Variants in GALNT17 observed in about 807,000 individuals in gnomAD.
The protein encoded by GALNT17 is UDP-GalNAc:polypeptide N-acetylgalactosaminyltransferase-like 3.
A neutral mutation model predicts 63.7 loss-of-function variants in GALNT17; 29 were observed. The observed-to-expected ratio is 0.46, with a 90% CI of 0.34 to 0.62. The LOEUF is 0.62. GALNT17 is among the 20% of genes least tolerant of loss of function. GALNT17 has a pLI of 0.01. For synonymous variants in GALNT17, 305 were observed against 318.3 expected (o/e 0.96, Z 0.45); for missense variants, 603 against 799.6 (o/e 0.75, Z 2.97).
intron 1 of GALNT17, among the ~76,000 whole-genome samples, chr7:71,314,037 T>C (rs145483762): frequency 6.6e-6 from 1 of 152,320 alleles, no homozygotes; most frequent in East Asian, 1.9e-4. Context: ...GATTATTTAA[T>C]TTGGGTTCAC....
At chr7:71,657,414 G>A (rs1790844521) in intron 6 of GALNT17, among the ~76,000 whole-genome samples, 1 of 152,178 alleles carries the variant, frequency 6.6e-6, no homozygotes, top group African/African-American at 2.4e-5. Flanking sequence ...CATAGCCTGT[G>A]AGCATAGTGA....
intron 1 of GALNT17, among the ~76,000 whole-genome samples, chr7:71,138,149 C>T (rs148448628): frequency 0.015 from 2,240 of 152,182 alleles, 59 homozygotes; most frequent in African/African-American, 0.051. Flanking sequence ...GAATTTTAGA[C>T]CAACCTGGGC....
Position 71,327,157 on chromosome 7 carries a change from A to G in GALNT17, c.239-8393A>G, listed in dbSNP as rs553205939. On this transcript the variant is annotated intron_variant, in intron 1 of 10. Transcript: ENST00000333538. The stretch of plus-strand genomic sequence containing the variant: ...ATGCCATTAAGGAGAGCACCTAAAC[A>G]TGGGACCACAGGAGAAGTCTTCCAG... Among the ~76,000 whole-genome samples the G allele has an allele frequency of 6.0e-4, 91 of 152,342 alleles. No homozygotes were observed. The South Asian group carries it at 9.7e-3, about 16-fold the overall frequency.
intron 5 of GALNT17, among the ~76,000 whole-genome samples, chr7:71,452,315 G>A (rs1215549127): frequency 1.1e-4 from 17 of 151,928 alleles, no homozygotes; most frequent in Admixed American, 1.0e-3. Flanking sequence ...GGAGGCTGAG[G>A]TGGGAGGATC....
chr7:71,518,185 T>C (rs753870159), intron 5 of GALNT17, among the ~76,000 whole-genome samples: 5 of 152,342 alleles, frequency 3.3e-5, no homozygotes, highest in Middle Eastern at 6.8e-3. Context: ...AGCAGGAGCA[T>C]GGCATGATCT....
chr7:71,335,239 C>G (rs951522377), intron 1 of GALNT17, among the ~76,000 whole-genome samples: 1 of 152,122 alleles, frequency 6.6e-6, no homozygotes, highest in Non-Finnish European at 1.5e-5. Flanking sequence ...TCAAGAGATT[C>G]TCCTGCCTCA....
chr7:71,146,620 C>T (rs77009768), intron 1 of GALNT17, among the ~76,000 whole-genome samples: 12,957 of 152,130 alleles, frequency 0.085, 735 homozygotes, highest in African/African-American at 0.15. Flanking sequence ...TCGCCGCCAT[C>T]CTCCCTTCCA....
chr7:71,681,604 T>C (rs908370556), intron 9 of GALNT17, among the ~76,000 whole-genome samples: 1 of 152,204 alleles, frequency 6.6e-6, no homozygotes, highest in African/African-American at 2.4e-5. Flanking sequence ...CTGGGCCCCA[T>C]GGCTGTGCCG....
chr7:71,231,739 GGAGGGAGAGGGAGAGAGAGAGAGAGGGA>G (rs895983843), intron 1 of GALNT17, among the ~76,000 whole-genome samples: 5 of 148,808 alleles, frequency 3.4e-5, no homozygotes, highest in Non-Finnish European at 7.4e-5. Flanking sequence ...AGAGAGAGAG[GGAGGGAGAGGGAGAGAGAGAGAGAGGGA>G]GAGGGAGAGA....
intron 1 of GALNT17, among the ~76,000 whole-genome samples, chr7:71,148,991 G>A (rs1788083076): frequency 6.6e-6 from 1 of 151,376 alleles, no homozygotes; most frequent in Non-Finnish European, 1.5e-5. Flanking sequence ...GAGTGCAGTG[G>A]CACCATCATA....
intron 9 of GALNT17, among the ~76,000 whole-genome samples, chr7:71,684,157 C>T (rs1177185931): frequency 1.3e-5 from 2 of 152,254 alleles, no homozygotes; most frequent in East Asian, 3.9e-4. Context: ...CACCCAGGCC[C>T]AGGGTGGGTC....
intron 6 of GALNT17, among the ~76,000 whole-genome samples, chr7:71,623,819 A>T (rs1438857679): frequency 6.6e-6 from 1 of 152,150 alleles, no homozygotes; most frequent in African/African-American, 2.4e-5. Flanking sequence ...ACATGTGAGC[A>T]TACAGTCTTC....
chr7:71,362,377 A>G lies in GALNT17; in HGVS notation c.423-25858A>G, dbSNP rs1180738924. Among the ~76,000 whole-genome samples, 8 of 152,326 alleles carry G rather than the reference A, an allele frequency of 5.3e-5. No homozygotes were observed. In the East Asian group the frequency reaches 1.5e-3, roughly 29 times the overall value. On this transcript the variant is annotated intron_variant, in intron 2 of 10. Transcript: ENST00000333538. Reference sequence around the variant, plus strand: ...AAGACTACATTTCCCCCAACATATTACACCAAATGTACTTAACAGCAATTA... The same window carrying G: ...AAGACTACATTTCCCCCAACATATTGCACCAAATGTACTTAACAGCAATTA...
intron 1 of GALNT17, among the ~76,000 whole-genome samples, chr7:71,322,856 G>A (rs1032641683): frequency 1.4e-4 from 21 of 152,148 alleles, no homozygotes; most frequent in African/African-American, 4.3e-4. Context: ...CCAAATCTGC[G>A]TTTACCTTAA....
Position 71,323,469 on chromosome 7 carries a change from C to T in GALNT17, c.239-12081C>T, listed in dbSNP as rs1045506305. On this transcript the variant is annotated intron_variant, in intron 1 of 10. Coordinates refer to ENST00000333538, the MANE Select transcript of GALNT17 (RefSeq NM_022479.3). ...TTTTACTCCATTCTCTTCCACCAAG[C>T]AGCAGCTGATACAATTGAACTCTTA... Among the ~76,000 whole-genome samples, 3 of 152,200 alleles carry T rather than the reference C, an allele frequency of 2.0e-5. No homozygotes were observed. In the South Asian group the frequency reaches 6.2e-4, roughly 31 times the overall value.
At chr7:71,138,431 A>G (rs1787827028) in intron 1 of GALNT17, among the ~76,000 whole-genome samples, 1 of 152,126 alleles carries the variant, frequency 6.6e-6, no homozygotes, top group South Asian at 2.1e-4. Flanking sequence ...GTAGGTGAGG[A>G]GGAGGAGGAA....
rs1792989018 is a variant in GALNT17, at chr7:71,388,398, G to A, written c.586G>A (p.Glu196Lys). The change falls in exon 3 of 11, where the codon GAA becomes AAA. Residue 196 changes from glutamate to lysine, a missense_variant. By Grantham distance (56) the Glu-to-Lys change is moderately conservative. Around this residue, in one of 3 missense-constraint regions of GALNT17, gnomAD observed 336 missense variants for 507.8 expected, o/e 0.66. Transcript: ENST00000333538. ...EIILVDDNSDEEELKVPLEEY... is the reference protein window; with the variant it reads ...EIILVDDNSDKEELKVPLEEY... Reference sequence around the variant, plus strand: ...CATTCTGGTGGATGACAACAGCGACGAAGGTACAGGGGTGGCTGACCTGTG... The same window carrying A: ...CATTCTGGTGGATGACAACAGCGACAAAGGTACAGGGGTGGCTGACCTGTG... 5 of 1,613,692 alleles carry A rather than the reference G, an allele frequency of 3.1e-6. No individual in the cohort carries two copies. The highest frequency in any genetic ancestry group is 2.2e-5 in the East Asian group (1 of 44,864).
chr7:71,643,567 G>A (rs1790633840), intron 6 of GALNT17, among the ~76,000 whole-genome samples: 1 of 152,156 alleles, frequency 6.6e-6, no homozygotes, highest in African/African-American at 2.4e-5. Context: ...TGTTTTCTCT[G>A]AGCCAGAGAG....
intron 6 of GALNT17, among the ~76,000 whole-genome samples, chr7:71,580,182 A>G (rs1338369149): frequency 6.7e-6 from 1 of 149,578 alleles, no homozygotes; most frequent in African/African-American, 2.4e-5. Flanking sequence ...TAGGTTAGAT[A>G]GAGATGATGG....
Sources: gnomAD v4.1 joint callset for allele counts (sites outside exome capture counted in the v4.1 genomes callset) on GRCh38, gnomAD v4.1.1 for gene constraint, gnomAD v4.1.1 regional missense constraint, MANE v1.5 for transcripts, NCBI Gene and HGNC (gene_info 2026-07-23, HGNC 2026-07-21) for gene names.